LIN9: variants seen among roughly 807,000 people sequenced by gnomAD.
LIN9 encodes the protein protein lin-9 homolog.
LIN9 carries 18 observed loss-of-function variants against 78.0 expected under a neutral mutation model. The ratio of observed to expected loss-of-function variants is 0.23; its 90% confidence interval spans 0.16 to 0.34. LIN9 has a LOEUF of 0.34. Ranked by LOEUF, LIN9 falls within the 10% of genes least tolerant of loss-of-function variation. The pLI, the probability that LIN9 is intolerant of heterozygous loss-of-function variation, is 1.00. For missense variants in LIN9, 451 were observed against 644.1 expected, an observed-to-expected ratio of 0.70 and a Z score of 3.25; for synonymous variants, 192 against 215.2, an observed-to-expected ratio of 0.89 and a Z score of 0.94.
chr1:226,236,817 G>C (rs888432416), intron 12 of LIN9, among the ~76,000 whole-genome samples: 2 of 152,162 alleles, frequency 1.3e-5, no homozygotes, highest in Non-Finnish European at 2.9e-5. Flanking sequence ...CTGAGTTGTA[G>C]TCGAGTTCAT....
intron 4 of LIN9, among the ~76,000 whole-genome samples, chr1:226,288,116 C>T (rs181280272): frequency 3.4e-4 from 52 of 152,126 alleles, no homozygotes; most frequent in Admixed American, 2.4e-3. Flanking sequence ...GGACTACAGG[C>T]GCACGCCACC....
In LIN9 at chr1:226,297,354, AATG is replaced by A. The variant is rs555541008; in HGVS notation, c.159+362_159+364del. On this transcript the variant is annotated intron_variant, in intron 3 of 14. Transcript: ENST00000681046. ...AAATGCACTTACCTTTGAGCTACAC[AATG>A]ATTTCTTTTTTTTTCTTTTTGTCTA... is the stretch of plus-strand genomic sequence containing the variant. Among the ~76,000 whole-genome samples the A allele has an allele frequency of 3.1e-3, 472 of 152,238 alleles. 5 individuals carry two copies. Among genetic ancestry groups the A allele is most frequent in the Non-Finnish European group, 3.2e-3 (215 of 68,020 alleles).
chr1:226,296,146 G>A (rs1317221011), intron 3 of LIN9, among the ~76,000 whole-genome samples, 200 bp from the exon 4 acceptor site: 1 of 152,126 alleles, frequency 6.6e-6, no homozygotes, highest in African/African-American at 2.4e-5. Context: ...TTTATACAAG[G>A]TGCTTATGAA....
At chr1:226,267,778 T>C (rs1455750783) in intron 8 of LIN9, among the ~76,000 whole-genome samples, 179 bp downstream of exon 8, 5 of 152,174 alleles carry the variant, frequency 3.3e-5, no homozygotes, top group Non-Finnish European at 5.9e-5. Context: ...TCCTGGCAAA[T>C]GGAAGACTTA....
In LIN9 at chr1:226,241,892, T is replaced by C. The variant is rs6667883; in HGVS notation, c.1120-2796A>G. 7.3e-3 allele frequency among the ~76,000 whole-genome samples: 1,111 copies of C among 151,896 alleles called. 19 individuals carry two copies. The highest frequency in any genetic ancestry group is 0.026 in the African/African-American group (1,060 of 41,460). The stretch of plus-strand genomic sequence containing the variant: ...AAAGAAAAGGGGGTGATGTAACTAA[T>C]GAACCATAAAAAAAATTCCAACACT... On this transcript the variant is annotated intron_variant, in intron 11 of 14. Coordinates refer to ENST00000681046, the MANE Select transcript of LIN9 (RefSeq NM_001366245.2).
intron 6 of LIN9, among the ~76,000 whole-genome samples, chr1:226,281,544 CCT>C (rs1028759603): frequency 2.6e-5 from 4 of 151,742 alleles, no homozygotes; most frequent in Non-Finnish European, 5.9e-5. Flanking sequence ...TCCCAATTAC[CCT>C]GATTTGATCA....
At chr1:226,305,500 A>C (rs1048638958) in intron 1 of LIN9, among the ~76,000 whole-genome samples, 1 of 151,934 alleles carries the variant, frequency 6.6e-6, no homozygotes, top group African/African-American at 2.4e-5. Flanking sequence ...CTCTTTAAAA[A>C]ACAAAAAACA....
intron 10 of LIN9, among the ~76,000 whole-genome samples, chr1:226,261,592 T>C (rs865997906): frequency 1.3e-5 from 2 of 152,170 alleles, no homozygotes; most frequent in Non-Finnish European, 2.9e-5. Context: ...ACAAGACCTA[T>C]GTGAGCAAAA....
intron 4 of LIN9, among the ~76,000 whole-genome samples, chr1:226,292,629 A>C (rs754206434): frequency 1.4e-4 from 21 of 151,796 alleles, no homozygotes; most frequent in Non-Finnish European, 2.6e-4. Context: ...AATTTTTAAA[A>C]AAAATTTTTT....
intron 10 of LIN9, among the ~76,000 whole-genome samples, chr1:226,253,606 G>C (rs948723813): frequency 5.9e-5 from 9 of 151,262 alleles, no homozygotes; most frequent in Non-Finnish European, 8.8e-5. Flanking sequence ...GCCAAAAAAA[G>C]GGTTATCTCT....
intron 1 of LIN9, 64 bp downstream of exon 1, chr1:226,309,045 C>T: frequency 2.3e-6 from 3 of 1,295,692 alleles, no homozygotes; most frequent in South Asian, 3.1e-5. Flanking sequence ...TCCGTCCCGG[C>T]CGGTGCAACC....
chr1:226,249,494 ATTCAGTAAT>A (rs1048980888), intron 11 of LIN9, among the ~76,000 whole-genome samples: 4 of 152,154 alleles, frequency 2.6e-5, no homozygotes, highest in African/African-American at 9.7e-5. Context: ...GGTCTTAAAA[ATTCAGTAAT>A]TTTTGGATAA....
intron 11 of LIN9, among the ~76,000 whole-genome samples, chr1:226,248,446 A>T (rs1658622311): frequency 6.6e-6 from 1 of 152,206 alleles, no homozygotes; most frequent in Admixed American, 6.5e-5. Context: ...GTGCAATTAT[A>T]AAGGATATGA....
At chr1:226,296,544 T>C (rs1174248177) in intron 3 of LIN9, among the ~76,000 whole-genome samples, 1 of 152,138 alleles carries the variant, frequency 6.6e-6, no homozygotes, top group Non-Finnish European at 1.5e-5. Context: ...ATAGTAAAGA[T>C]TTTACAGTTC....
At chr1:226,245,751 C>T (rs11585469) in intron 11 of LIN9, among the ~76,000 whole-genome samples, 1,712 of 152,222 alleles carry the variant, frequency 0.011, 15 homozygotes, top group Non-Finnish European at 0.019. Flanking sequence ...CTGTGTGCCA[C>T]CACGCCTGGC....
intron 4 of LIN9, among the ~76,000 whole-genome samples, chr1:226,289,639 G>C (rs972618189): frequency 6.6e-6 from 1 of 152,028 alleles, no homozygotes; most frequent in Non-Finnish European, 1.5e-5. Context: ...TAGGATTACA[G>C]GTATGAGCTG....
At position 226,231,455 on chromosome 1, in the gene LIN9, T is replaced by C. The variant is rs1391917510; in HGVS notation, c.*1046A>G. Reference sequence around the variant, plus strand: ...TTAAACTCCAAATTTGAAAAAAATTTATATTTTGAGTTTATAATATTCTAT... The same window carrying C: ...TTAAACTCCAAATTTGAAAAAAATTCATATTTTGAGTTTATAATATTCTAT... On this transcript the variant is annotated 3_prime_UTR_variant, in exon 15 of 15. Coordinates refer to ENST00000681046, the MANE Select transcript of LIN9 (RefSeq NM_001366245.2). The C allele has an allele frequency of 6.6e-6, 1 of 152,562 alleles. No individual in the cohort carries two copies. The highest frequency in any genetic ancestry group is 1.5e-5 in the Non-Finnish European group (1 of 68,022). 9.5% of individuals were successfully genotyped at this position (152,562 alleles called of 1,614,324 possible). A position where few individuals can be genotyped will look rare whatever the true frequency, so the allele number is the denominator to read the frequency against.
chr1:226,309,189 G>T, upstream of LIN9: 3 of 1,456,316 alleles, frequency 2.1e-6, no homozygotes, highest in Non-Finnish European at 2.7e-6. Flanking sequence ...GCGGTGCATT[G>T]TGGGGCGGAG....
At chr1:226,260,628 GTTTTTTTTTTTT>G (rs559460640) in intron 10 of LIN9, among the ~76,000 whole-genome samples, 20 of 73,428 alleles carry the variant, frequency 2.7e-4, no homozygotes, top group African/African-American at 4.5e-4. Flanking sequence ...GGCCAAATGA[GTTTTTTTTTTTT>G]TTTTTTTTTT....
Sources: allele counts gnomAD v4.1 joint callset (sites outside exome capture counted in the v4.1 genomes callset), GRCh38; gene constraint gnomAD v4.1.1; transcripts MANE v1.5; gene names NCBI Gene and HGNC (gene_info 2026-07-23, HGNC 2026-07-21).